Variants in VPS13D observed in about 807,000 individuals in gnomAD.
VPS13D encodes intermembrane lipid transfer protein VPS13D.
VPS13D carries 187 observed loss-of-function variants against 461.9 expected under a neutral mutation model. The ratio of observed to expected loss-of-function variants is 0.40; its 90% confidence interval spans 0.36 to 0.46. The LOEUF is 0.46. Ranked by LOEUF, VPS13D falls within the 20% of genes least tolerant of loss-of-function variation. VPS13D has a pLI of 0.60. For synonymous variants in VPS13D, 1,951 were observed against 1,986.3 expected (o/e 0.98, Z 0.47); for missense variants, 4,711 against 5,364.9 (o/e 0.88, Z 3.81).
At chr1:12,242,620 T>A in intron 3 of VPS13D, 30 bp downstream of exon 3, 4 of 1,584,800 alleles carry the variant, frequency 2.5e-6, no homozygotes, top group South Asian at 1.1e-5. Context: ...GGGGAAGAAA[T>A]TTGAGTCTTA....
chr1:12,324,987 T>C (rs961077969), intron 35 of VPS13D, among the ~76,000 whole-genome samples: 3 of 152,220 alleles, frequency 2.0e-5, no homozygotes, highest in Admixed American at 1.3e-4. Context: ...CCTAAATCTG[T>C]GTTCTTTCTA....
intron 17 of VPS13D, 96 bp downstream of exon 17, chr1:12,271,220 T>C: frequency 6.9e-7 from 1 of 1,456,694 alleles, no homozygotes; most frequent in Non-Finnish European, 9.5e-7. Context: ...CTTACTTATA[T>C]CAATTATGCT....
rs189764760 is a variant in VPS13D at position 12,399,347 on chromosome 1, C to T, written c.11635-834C>T. Among the ~76,000 whole-genome samples, 185 of 151,738 alleles carry T rather than the reference C, an allele frequency of 1.2e-3. 4 individuals carry two copies. In the East Asian group the frequency reaches 0.027, roughly 22 times the overall value. On this transcript the variant is annotated intron_variant, in intron 60 of 69. Coordinates refer to ENST00000620676, the MANE Select transcript of VPS13D (RefSeq NM_015378.4). Reference sequence around the variant, plus strand: ...GAGTAGCTGGGATTACAGGGGCCCACGACCACGTCCAGCTAATTTTTGTAT... The same window carrying T: ...GAGTAGCTGGGATTACAGGGGCCCATGACCACGTCCAGCTAATTTTTGTAT...
Position 12,378,412 on chromosome 1 carries a change from T to C in VPS13D, c.10918-16T>C, listed in dbSNP as rs1488949066. 1 of 1,582,004 alleles carries C rather than the reference T, an allele frequency of 6.3e-7. No homozygotes were observed. Among genetic ancestry groups the C allele is most frequent in the Admixed American group, 1.8e-5 (1 of 54,594 alleles). ...CATAATGGCTCTTTCTCTTTTTGCTTGTACCTACTTAACAGGAACCAGGAA... is the reference window on the plus strand; with the variant it reads ...CATAATGGCTCTTTCTCTTTTTGCTCGTACCTACTTAACAGGAACCAGGAA... On this transcript the variant is annotated splice_polypyrimidine_tract_variant and intron_variant, in intron 55 of 69. Transcript: ENST00000620676.
intron 7 of VPS13D, among the ~76,000 whole-genome samples, chr1:12,255,427 T>C (rs1204367534): frequency 6.6e-6 from 1 of 152,036 alleles, no homozygotes; most frequent in Non-Finnish European, 1.5e-5. Context: ...AACAGAAAAT[T>C]ACAGGTTTAT....
chr1:12,383,869 G>A (rs567734386), intron 58 of VPS13D, among the ~76,000 whole-genome samples: 8 of 152,322 alleles, frequency 5.3e-5, no homozygotes, highest in Admixed American at 5.2e-4. Context: ...CGATGTGGAA[G>A]TTGACTAGTG....
chr1:12,454,874 G>A (rs915417116), intron 65 of VPS13D, among the ~76,000 whole-genome samples: 6 of 151,880 alleles, frequency 4.0e-5, no homozygotes, highest in Non-Finnish European at 7.4e-5. Flanking sequence ...ACTTGTTTTG[G>A]TAGATCCTTC....
chr1:12,376,437 T>TAATA (rs1644199815), intron 55 of VPS13D, among the ~76,000 whole-genome samples: 1 of 152,252 alleles, frequency 6.6e-6, no homozygotes, highest in Non-Finnish European at 1.5e-5. Context: ...GATGTAATGA[T>TAATA]AATAACACAA....
At chr1:12,482,064 G>C (rs1484700768) in intron 67 of VPS13D, among the ~76,000 whole-genome samples, 3 of 152,212 alleles carry the variant, frequency 2.0e-5, no homozygotes, top group African/African-American at 7.2e-5. Context: ...CTGCTGTTCA[G>C]GGTCAGAAAG....
Position 12,335,833 on chromosome 1 carries a change from A to G in VPS13D, c.8551+6A>G. Reference sequence around the variant, plus strand: ...TCCTCCATGTTTTGGACAAAGTAAGAGTTTTCACTACATGTGTTTAACTAA... The same window carrying G: ...TCCTCCATGTTTTGGACAAAGTAAGGGTTTTCACTACATGTGTTTAACTAA... On this transcript the variant is annotated splice_donor_region_variant and intron_variant, in intron 39 of 69. Coordinates refer to ENST00000620676, the MANE Select transcript of VPS13D (RefSeq NM_015378.4). 1 of 1,614,044 alleles carries G rather than the reference A, an allele frequency of 6.2e-7. No homozygotes were observed.
intron 52 of VPS13D, among the ~76,000 whole-genome samples, chr1:12,365,886 G>A (rs1644028480): frequency 6.6e-6 from 1 of 151,992 alleles, no homozygotes; most frequent in African/African-American, 2.4e-5. Flanking sequence ...TTCCAAAATA[G>A]TTCTTAAAAT....
In VPS13D at chr1:12,282,841, C is replaced by T; in HGVS notation, c.4739C>T (p.Thr1580Ile). The T allele has an allele frequency of 6.2e-7, 1 of 1,614,136 alleles. No individual in the cohort carries two copies. The highest frequency in any genetic ancestry group is 8.5e-7 in the Non-Finnish European group (1 of 1,180,022). The change falls in exon 21 of 70, where the codon ACC (threonine) becomes ATC (isoleucine). Residue 1580 changes from threonine to isoleucine, a missense_variant. Transcript: ENST00000620676. ...GATTCTCCTCTGCCTCCCCTCAGTACCTGTGGAGAATCTTCTGTTGAAAGG... is the reference window on the plus strand; with the variant it reads ...GATTCTCCTCTGCCTCCCCTCAGTATCTGTGGAGAATCTTCTGTTGAAAGG... The part of the protein sequence containing the change: ...CPDSPLPPLS[T>I]CGESSVERKE...
At chr1:12,255,264 A>G (rs925040245) in intron 7 of VPS13D, among the ~76,000 whole-genome samples, 1 of 152,124 alleles carries the variant, frequency 6.6e-6, no homozygotes, top group African/African-American at 2.4e-5. Context: ...TTTTAATTCG[A>G]TTACATAAAC....
intron 3 of VPS13D, 98 bp downstream of exon 3, chr1:12,242,688 G>C: frequency 1.8e-6 from 2 of 1,082,578 alleles, no homozygotes; most frequent in Non-Finnish European, 2.8e-6. Flanking sequence ...TGGCCAGTTA[G>C]AGGAAGGATA....
intron 65 of VPS13D, among the ~76,000 whole-genome samples, chr1:12,447,059 G>A (rs1472556987): frequency 6.6e-6 from 1 of 152,210 alleles, no homozygotes. Flanking sequence ...TATGGATCAA[G>A]AAAGAACACT....
chr1:12,413,688 T>C (rs1219918648), intron 63 of VPS13D, among the ~76,000 whole-genome samples: 6 of 152,088 alleles, frequency 3.9e-5, no homozygotes. Context: ...CCCAGGCTGG[T>C]CTTGAACTTC....
chr1:12,353,783 C>T (rs558652164), intron 46 of VPS13D, among the ~76,000 whole-genome samples, 191 bp from the exon 47 acceptor site: 1 of 151,994 alleles, frequency 6.6e-6, no homozygotes, highest in African/African-American at 2.4e-5. Context: ...CAGAGCTCAT[C>T]AAACTGAACA....
intron 63 of VPS13D, among the ~76,000 whole-genome samples, chr1:12,405,261 C>T (rs901771649): frequency 3.9e-5 from 6 of 152,146 alleles, no homozygotes; most frequent in Non-Finnish European, 1.5e-5. Context: ...AAAGAGAAAC[C>T]GGAAATCTGG....
chr1:12,311,674 G>A (rs372837792), intron 28 of VPS13D, 49 bp downstream of exon 28: 18 of 1,605,286 alleles, frequency 1.1e-5, no homozygotes, highest in East Asian at 4.5e-5. Flanking sequence ...CTCAGCTGAC[G>A]GTCACCCTGT....
Sources: gnomAD v4.1 joint callset for allele counts (sites outside exome capture counted in the v4.1 genomes callset) on GRCh38, gnomAD v4.1.1 for gene constraint, MANE v1.5 for transcripts, NCBI Gene and HGNC (gene_info 2026-07-23, HGNC 2026-07-21) for gene names.